The following LIN7A variants were observed in gnomAD, a reference collection of about 807,000 sequenced individuals.
LIN7A encodes the protein protein lin-7 homolog A.
In LIN7A, 25 loss-of-function variants were observed where a neutral mutation model predicts 29.8. That is an observed-to-expected ratio of 0.84 (90% CI 0.61 to 1.17). LIN7A has a LOEUF of 1.17. Ranked by LOEUF, LIN7A falls within the 50% of genes most tolerant of loss-of-function variation. LIN7A has a pLI of 0.00. For missense variants in LIN7A, 239 were observed against 287.0 expected (o/e 0.83, Z 1.21); for synonymous variants, 118 against 107.5 (o/e 1.10, Z -0.60).
chr12:80,931,100 T>A (rs1164918656), intron 1 of LIN7A, among the ~76,000 whole-genome samples: 4 of 152,160 alleles, frequency 2.6e-5, no homozygotes, highest in Non-Finnish European at 5.9e-5. Flanking sequence ...CAGGACACCT[T>A]CCTGTTTGAT....
At chr12:80,826,628 T>C (rs761635578) in intron 4 of LIN7A, among the ~76,000 whole-genome samples, 1 of 152,210 alleles carries the variant, frequency 6.6e-6, no homozygotes, top group African/African-American at 2.4e-5. Flanking sequence ...GTTCAAGCTA[T>C]TCTCCTGCCT....
At chr12:80,932,972 GAGA>G (rs1191400972) in intron 1 of LIN7A, among the ~76,000 whole-genome samples, 3 of 152,196 alleles carry the variant, frequency 2.0e-5, no homozygotes, top group African/African-American at 7.2e-5. Flanking sequence ...AGGTCTGGAA[GAGA>G]AGAATTCCAC....
chr12:80,848,099 C>A, intron 3 of LIN7A, 152 bp downstream of exon 3: 1 of 703,244 alleles, frequency 1.4e-6, no homozygotes, highest in Non-Finnish European at 2.6e-6. Flanking sequence ...GGATTTTTAC[C>A]TGAGAAGTAG....
At chr12:80,928,499 T>G (rs1877725537) in intron 1 of LIN7A, among the ~76,000 whole-genome samples, 1 of 152,268 alleles carries the variant, frequency 6.6e-6, no homozygotes, top group Non-Finnish European at 1.5e-5. Flanking sequence ...TGTCTTCTTT[T>G]GAGGAATGTC....
In LIN7A at chr12:80,937,631, G is replaced by A. The variant is rs1357646707; in HGVS notation, c.82+10C>T. On this transcript the variant is annotated intron_variant, in intron 1 of 5. Coordinates refer to ENST00000552864, the MANE Select transcript of LIN7A (RefSeq NM_004664.4). ...GACGCGGTGGCCTGGCGAGCGAGCC[G>A]CTCCCTTACCTCTGTCCAGGGTGAG... is the stretch of plus-strand genomic sequence containing the variant. The A allele has an allele frequency of 2.0e-6, 3 of 1,489,212 alleles. No individual in the cohort carries two copies. Among genetic ancestry groups the A allele is most frequent in the Non-Finnish European group, 2.7e-6 (3 of 1,110,516 alleles). The allele number at this position is 1,489,212 out of a possible 1,614,324, so 92.2% of individuals were successfully genotyped here.
intron 1 of LIN7A, among the ~76,000 whole-genome samples, chr12:80,904,513 C>T (rs1344702165): frequency 1.3e-5 from 2 of 152,130 alleles, no homozygotes; most frequent in Non-Finnish European, 2.9e-5. Flanking sequence ...TTTTATTATA[C>T]ACATAAATGA....
intron 2 of LIN7A, among the ~76,000 whole-genome samples, chr12:80,862,319 A>G (rs1366844735): frequency 6.6e-6 from 1 of 152,184 alleles, no homozygotes; most frequent in Non-Finnish European, 1.5e-5. Context: ...TCTTCAATTG[A>G]TTATATTGAA....
chr12:80,878,175 C>T (rs1338051833), intron 2 of LIN7A, among the ~76,000 whole-genome samples: 2 of 152,132 alleles, frequency 1.3e-5, no homozygotes, highest in African/African-American at 4.8e-5. Context: ...GTTTAGATAT[C>T]CTTAAGATCA....
intron 1 of LIN7A, among the ~76,000 whole-genome samples, chr12:80,908,565 A>C (rs1876599324): frequency 6.6e-6 from 1 of 152,030 alleles, no homozygotes; most frequent in African/African-American, 2.4e-5. Flanking sequence ...CTAATAAGAG[A>C]GCTTACTGAT....
At chr12:80,860,886 A>G (rs1234117845) in intron 2 of LIN7A, 1 of 152,184 alleles carries the variant, frequency 6.6e-6, no homozygotes, top group Admixed American at 6.5e-5. Flanking sequence ...TCTTCTCTTC[A>G]TCAACTAACC....
intron 2 of LIN7A, among the ~76,000 whole-genome samples, chr12:80,872,880 C>T (rs925497855): frequency 3.3e-5 from 5 of 152,184 alleles, no homozygotes; most frequent in Non-Finnish European, 5.9e-5. Flanking sequence ...TCAACAATAA[C>T]TGACAGCTAA....
chr12:80,848,185 A>C, intron 3 of LIN7A, 66 bp downstream of exon 3: 1 of 1,160,148 alleles, frequency 8.6e-7, no homozygotes, highest in Non-Finnish European at 1.3e-6. Flanking sequence ...CCTGAAACAC[A>C]CACGCGCACA....
chr12:80,801,519 G>T (rs961449505), intron 5 of LIN7A, among the ~76,000 whole-genome samples: 3 of 152,036 alleles, frequency 2.0e-5, no homozygotes, highest in African/African-American at 7.2e-5. Context: ...TATTCAATTG[G>T]CAAATAATAA....
At chr12:80,936,783 A>T (rs1488587693) in intron 1 of LIN7A, 2 of 152,334 alleles carry the variant, frequency 1.3e-5, no homozygotes, top group African/African-American at 4.8e-5. Context: ...CGTTCAAGTC[A>T]GAGAGCAGGA....
chr12:80,882,577 C>T (rs1016872783), intron 2 of LIN7A, among the ~76,000 whole-genome samples: 5 of 152,070 alleles, frequency 3.3e-5, no homozygotes, highest in African/African-American at 7.2e-5. Context: ...AGCCACCGCG[C>T]CCGGCCTTTT....
intron 1 of LIN7A, among the ~76,000 whole-genome samples, chr12:80,921,122 G>T (rs75804795): frequency 6.6e-6 from 1 of 152,122 alleles, no homozygotes; most frequent in Admixed American, 6.5e-5. Flanking sequence ...TCAAGAGGGC[G>T]CTGGAGATTA....
At position 80,845,919 on chromosome 12, in the gene LIN7A, T is replaced by C. The variant is rs145813467; in HGVS notation, c.294A>G (p.Ala98=). 4.0e-5 allele frequency: 63 copies of C among 1,588,432 alleles called. No individual in the cohort carries two copies. The African/African-American group carries it at 8.0e-4, about 20-fold the overall frequency. The stretch of plus-strand genomic sequence containing the variant: ...GAGGGTGGGAGTGGCCTTCACTAGC[T>C]GCAAAAGCTGCAACTGTTGCCTGAA... ...ATAKATVAAF[A]ASEGHSHPRV... is the part of the protein sequence containing the mutation. The change falls in exon 4 of 6, where the codon GCA becomes GCG. Residue 98 remains alanine (A), a synonymous_variant. Transcript: ENST00000552864.
At chr12:80,830,297 A>C (rs1196032175) in intron 4 of LIN7A, among the ~76,000 whole-genome samples, 1 of 152,194 alleles carries the variant, frequency 6.6e-6, no homozygotes, top group African/African-American at 2.4e-5. Context: ...AAATAGAAAA[A>C]CTAAGTAGCT....
Position 80,833,414 on chromosome 12 carries a change from C to T in LIN7A, c.483+12316G>A, listed in dbSNP as rs560874590. ...CTTTTCCTTTCTCTCCAAATTGCCCCTCTTCCAGTTAAGACCTCCACCATG... is the reference window on the plus strand; with the variant it reads ...CTTTTCCTTTCTCTCCAAATTGCCCTTCTTCCAGTTAAGACCTCCACCATG... On this transcript the variant is annotated intron_variant, in intron 4 of 5. Transcript: ENST00000552864. 7.2e-5 allele frequency among the ~76,000 whole-genome samples: 11 copies of T among 152,352 alleles called. No individual in the cohort carries two copies. The South Asian group carries it at 2.1e-3, about 29-fold the overall frequency.
Sources: allele counts gnomAD v4.1 joint callset (sites outside exome capture counted in the v4.1 genomes callset), GRCh38; gene constraint gnomAD v4.1.1; transcripts MANE v1.5; gene names NCBI Gene and HGNC (gene_info 2026-07-23, HGNC 2026-07-21).